The following TMEM132B variants were observed in gnomAD, a reference collection of about 807,000 sequenced individuals.
TMEM132B encodes transmembrane protein 132B.
TMEM132B carries 18 observed loss-of-function variants against 90.8 expected under a neutral mutation model. That is an observed-to-expected ratio of 0.20 (90% CI 0.14 to 0.29). The LOEUF is 0.29. Among genes scored for constraint, TMEM132B ranks in the 10% least tolerant of loss-of-function variants. The pLI is 1.00. For synonymous variants in TMEM132B, 504 were observed against 523.3 expected (o/e 0.96, Z 0.50); for missense variants, 1,096 against 1,326.8 (o/e 0.83, Z 2.70).
chr12:125,522,521 A>T (rs1400422760), intron 4 of TMEM132B, among the ~76,000 whole-genome samples: 1 of 152,222 alleles, frequency 6.6e-6, no homozygotes, highest in African/African-American at 2.4e-5. Flanking sequence ...TTGAGAGGTT[A>T]TGGTCACAGC....
At chr12:125,328,067 A>G (rs1344101427) in intron 1 of TMEM132B, among the ~76,000 whole-genome samples, 1 of 152,098 alleles carries the variant, frequency 6.6e-6, no homozygotes, top group Non-Finnish European at 1.5e-5. Context: ...CATCGCATTC[A>G]TTTCCCTGTC....
intron 1 of TMEM132B, among the ~76,000 whole-genome samples, chr12:125,313,517 TCATTTCCCACCCCCTCC>T (rs1439921922): frequency 6.3e-5 from 8 of 127,948 alleles, no homozygotes; most frequent in East Asian, 2.4e-4. Context: ...CTCCCTTCCT[TCATTTCCCACCCCCTCC>T]CATTTCCCCC....
chr12:125,456,314 AC>A (rs1307547429), intron 3 of TMEM132B, among the ~76,000 whole-genome samples: 6 of 152,232 alleles, frequency 3.9e-5, no homozygotes, highest in African/African-American at 1.4e-4. Context: ...GATGGCCAGG[AC>A]GAATCCCCAG....
intron 4 of TMEM132B, among the ~76,000 whole-genome samples, chr12:125,572,084 C>G (rs370957367): frequency 3.9e-4 from 60 of 152,228 alleles, no homozygotes; most frequent in African/African-American, 1.3e-3. Context: ...TCTGATATTT[C>G]CTTATTATTA....
intron 3 of TMEM132B, among the ~76,000 whole-genome samples, chr12:125,508,082 C>T (rs192956621): frequency 3.5e-4 from 53 of 152,284 alleles, no homozygotes; most frequent in Non-Finnish European, 6.3e-4. Context: ...GAGTTAAGGA[C>T]GACCAAGATT....
Position 125,350,255 on chromosome 12 carries a change from G to A in TMEM132B, c.871G>A (p.Val291Ile), listed in dbSNP as rs755668198. 1.0e-4 allele frequency: 165 copies of A among 1,613,972 alleles called. 1 individual carries two copies. Among genetic ancestry groups the A allele is most frequent in the Non-Finnish European group, 1.4e-4 (161 of 1,180,044 alleles). Residue 291 changes from valine (V) to isoleucine (I), a missense_variant, in exon 2 of 9, where the codon GTA (valine) becomes ATA (isoleucine). Transcript: ENST00000682704. ...CTTGGACGAGAATGTGGTCATCTCG[G>A]TACCTCTGAATCTAGTCCGGGAAGG... The part of the protein sequence containing the change: ...VSLDENVVIS[V>I]PLNLVREGDT...
At chr12:125,353,582 A>G (rs1238758122) in intron 2 of TMEM132B, among the ~76,000 whole-genome samples, 1 of 152,246 alleles carries the variant, frequency 6.6e-6, no homozygotes, top group Non-Finnish European at 1.5e-5. Flanking sequence ...AACTCTGTCA[A>G]CAGACAACTG....
rs570277281 is a variant in TMEM132B at position 125,589,257 on chromosome 12, C to T, written c.1437+5263C>T. On this transcript the variant is annotated intron_variant, in intron 5 of 8. Transcript: ENST00000682704. ...CAGCACTTTGGGAGGCCAAGGCGGG[C>T]AGATCACGAGGTCAGGAGATCGAGA... is the stretch of plus-strand genomic sequence containing the variant. Among the ~76,000 whole-genome samples, 13 of 151,986 alleles carry T rather than the reference C, an allele frequency of 8.6e-5. No homozygotes were observed. In the South Asian group the frequency reaches 1.0e-3, roughly 12 times the overall value.
At chr12:125,573,031 A>G (rs1044385116) in intron 4 of TMEM132B, among the ~76,000 whole-genome samples, 1 of 152,122 alleles carries the variant, frequency 6.6e-6, no homozygotes, top group African/African-American at 2.4e-5. Flanking sequence ...TTCTGCCTCT[A>G]CAGGATATAT....
chr12:125,364,103 C>T (rs186582503), intron 2 of TMEM132B, among the ~76,000 whole-genome samples: 104 of 152,220 alleles, frequency 6.8e-4, no homozygotes, highest in African/African-American at 2.5e-3. Flanking sequence ...CCTGTTTGGT[C>T]ATGCATATAT....
At chr12:125,505,656 C>A (rs1882827541) in intron 3 of TMEM132B, among the ~76,000 whole-genome samples, 1 of 151,384 alleles carries the variant, frequency 6.6e-6, no homozygotes, top group African/African-American at 2.4e-5. Flanking sequence ...TGAGATCACA[C>A]CACTGTGCTC....
chr12:125,267,367 G>A (rs1874720472), intron 1 of TMEM132B, among the ~76,000 whole-genome samples: 1 of 152,128 alleles, frequency 6.6e-6, no homozygotes. Flanking sequence ...GAAATTGCAT[G>A]CATCACTTTG....
intron 1 of TMEM132B, chr12:125,327,546 G>A (rs1876623080): frequency 6.6e-6 from 1 of 152,294 alleles, no homozygotes; most frequent in African/African-American, 2.4e-5. Context: ...GGAAGAGTGA[G>A]CTTTTTTACT....
chr12:125,535,706 A>T (rs1221407549), intron 4 of TMEM132B, among the ~76,000 whole-genome samples: 19 of 152,208 alleles, frequency 1.2e-4, no homozygotes, highest in Non-Finnish European at 2.6e-4. Flanking sequence ...AGTATTTAGA[A>T]AAGACCAAGA....
At chr12:125,563,478 A>G (rs1231620344) in intron 4 of TMEM132B, among the ~76,000 whole-genome samples, 1 of 152,080 alleles carries the variant, frequency 6.6e-6, no homozygotes, top group African/African-American at 2.4e-5. Flanking sequence ...AGGCAGGAGA[A>G]TTGCTTGAAT....
intron 2 of TMEM132B, among the ~76,000 whole-genome samples, chr12:125,412,376 C>T (rs422931): frequency 0.36 from 54,817 of 152,036 alleles, 10,057 homozygotes; most frequent in East Asian, 0.41. Flanking sequence ...AAGTGTGAGA[C>T]ATTATTGTCC....
intron 1 of TMEM132B, among the ~76,000 whole-genome samples, chr12:125,286,097 T>C (rs1875348098): frequency 6.6e-6 from 1 of 152,240 alleles, no homozygotes; most frequent in Non-Finnish European, 1.5e-5. Flanking sequence ...GTACTTTACA[T>C]GTATACCTTT....
chr12:125,611,572 A>C (rs368154568), intron 5 of TMEM132B, among the ~76,000 whole-genome samples: 2 of 152,050 alleles, frequency 1.3e-5, no homozygotes, highest in Non-Finnish European at 2.9e-5. Context: ...TAAACACTAT[A>C]TTAGCTACAT....
intron 2 of TMEM132B, among the ~76,000 whole-genome samples, chr12:125,374,393 T>A (rs947526079): frequency 6.6e-6 from 1 of 151,804 alleles, no homozygotes; most frequent in Non-Finnish European, 1.5e-5. Flanking sequence ...CATGGGAGTC[T>A]GTATAGTGCA....
Sources: gnomAD v4.1 joint callset for allele counts (sites outside exome capture counted in the v4.1 genomes callset) on GRCh38, gnomAD v4.1.1 for gene constraint, MANE v1.5 for transcripts, NCBI Gene and HGNC (gene_info 2026-07-23, HGNC 2026-07-21) for gene names.